LRRC37A2: variants seen among roughly 807,000 people sequenced by gnomAD.
LRRC37A2 encodes leucine rich repeat containing 37 member A2.
In LRRC37A2, 9 loss-of-function variants were observed where a neutral mutation model predicts 68.8. That is an observed-to-expected ratio of 0.13 (90% CI 0.08 to 0.23). The LOEUF (loss-of-function observed/expected upper bound fraction) is 0.23, where lower values mean the gene tolerates loss of function less well. Among genes scored for constraint, LRRC37A2 ranks in the 10% least tolerant of loss-of-function variants. The pLI is 1.00. For synonymous variants in LRRC37A2, 63 were observed against 367.6 expected, an observed-to-expected ratio of 0.17 and a Z score of 9.48; for missense variants, 168 against 950.4, an observed-to-expected ratio of 0.18 and a Z score of 10.82.
At chr17:46,947,871 C>T in the LRRC37A2 span, among the ~76,000 whole-genome samples, 2 of 152,164 alleles carry the variant, frequency 1.3e-5, no homozygotes, top group Non-Finnish European at 2.9e-5. Flanking sequence ...CGGGTTCAAG[C>T]GACTCTCCTG....
chr17:46,894,710 C>T, the LRRC37A2 span, among the ~76,000 whole-genome samples: 1 of 152,210 alleles, frequency 6.6e-6, no homozygotes, highest in Admixed American at 6.5e-5. Flanking sequence ...GAATGACGAG[C>T]TCACTCCCCC....
At chr17:46,919,665 T>C in the LRRC37A2 span, among the ~76,000 whole-genome samples, 1 of 152,098 alleles carries the variant, frequency 6.6e-6, no homozygotes, top group Non-Finnish European at 1.5e-5. Context: ...TAAGATTTCC[T>C]GGCCAGGCGC....
the LRRC37A2 span, among the ~76,000 whole-genome samples, chr17:46,803,828 G>T: frequency 2.0e-5 from 3 of 152,208 alleles, no homozygotes; most frequent in Non-Finnish European, 2.9e-5. Context: ...TGCAGAGCCC[G>T]GAAGCAGGCT....
At chr17:46,839,918 TTCTTTCTTTCTTTC>T in the LRRC37A2 span, among the ~76,000 whole-genome samples, 1 of 76,100 alleles carries the variant, frequency 1.3e-5, no homozygotes. Flanking sequence ...TCTCTTTTCT[TTCTTTCTTTCTTTC>T]TTTCTTTCTT....
the LRRC37A2 span, among the ~76,000 whole-genome samples, chr17:46,754,500 T>A: frequency 2.0e-5 from 3 of 152,108 alleles, no homozygotes; most frequent in African/African-American, 7.2e-5. Flanking sequence ...TAGGTGTGTT[T>A]CTTACAATAA....
At chr17:46,575,139 T>C in the LRRC37A2 span, among the ~76,000 whole-genome samples, 2 of 105,774 alleles carry the variant, frequency 1.9e-5, no homozygotes, top group African/African-American at 6.3e-5. Flanking sequence ...GTCCTGTGCC[T>C]AATTCAATAT....
the LRRC37A2 span, among the ~76,000 whole-genome samples, chr17:46,972,144 TG>T: frequency 1.6e-3 from 243 of 152,302 alleles, 2 homozygotes; most frequent in African/African-American, 5.5e-3. Context: ...GGCACTGTGC[TG>T]GGCCCAGGCT....
the LRRC37A2 span, among the ~76,000 whole-genome samples, chr17:46,901,717 G>A: frequency 6.6e-6 from 1 of 152,148 alleles, no homozygotes; most frequent in South Asian, 2.1e-4. Flanking sequence ...TCATGCTTAA[G>A]GCAATTGAGT....
the LRRC37A2 span, among the ~76,000 whole-genome samples, chr17:46,987,286 C>T: frequency 6.6e-6 from 1 of 151,918 alleles, no homozygotes; most frequent in Non-Finnish European, 1.5e-5. Context: ...TGCAGGGGAA[C>T]AGGCATGGGG....
chr17:46,847,967 A>AGT, the LRRC37A2 span, among the ~76,000 whole-genome samples: 4,568 of 149,218 alleles, frequency 0.031, 85 homozygotes, highest in Non-Finnish European at 0.037. Context: ...TGATTTCCAA[A>AGT]GTGTGTGTGT....
the LRRC37A2 span, among the ~76,000 whole-genome samples, chr17:46,854,172 A>G: frequency 6.6e-6 from 1 of 152,172 alleles, no homozygotes; most frequent in Non-Finnish European, 1.5e-5. Flanking sequence ...GGTCTCAGGG[A>G]ACAGACAGGA....
the LRRC37A2 span, among the ~76,000 whole-genome samples, chr17:46,943,961 G>A: frequency 2.0e-5 from 3 of 152,088 alleles, no homozygotes; most frequent in Non-Finnish European, 4.4e-5. Context: ...ACTAATGCAG[G>A]GTATCTAGGA....
the LRRC37A2 span, among the ~76,000 whole-genome samples, chr17:46,916,214 C>T: frequency 2.0e-5 from 3 of 152,246 alleles, no homozygotes; most frequent in Non-Finnish European, 4.4e-5. Context: ...CCAGCTTTTA[C>T]AATCAATGTC....
the LRRC37A2 span, chr17:46,935,322 A>G: frequency 6.6e-7 from 1 of 1,512,548 alleles, no homozygotes; most frequent in East Asian, 2.3e-5. Flanking sequence ...TTTCTGTTGG[A>G]GTTGAGTTAT....
At chr17:46,908,734 T>G in the LRRC37A2 span, among the ~76,000 whole-genome samples, 3 of 152,250 alleles carry the variant, frequency 2.0e-5, no homozygotes, top group Admixed American at 2.0e-4. Context: ...GGAGACTCAG[T>G]GCCTCCCAGG....
At chr17:46,741,731 A>G in the LRRC37A2 span, among the ~76,000 whole-genome samples, 1 of 151,584 alleles carries the variant, frequency 6.6e-6, no homozygotes, top group African/African-American at 2.4e-5. Context: ...TGGGGAAACC[A>G]AGAGTTGTAG....
At chr17:46,739,639 C>T in the LRRC37A2 span, among the ~76,000 whole-genome samples, 9 of 150,498 alleles carry the variant, frequency 6.0e-5, no homozygotes, top group South Asian at 1.9e-3. Flanking sequence ...CCTTCCTCTA[C>T]TAAAAAAAAA....
At chr17:46,966,996 T>C in the LRRC37A2 span, 1 of 262,636 alleles carries the variant, frequency 3.8e-6, no homozygotes, top group Non-Finnish European at 7.1e-6. Context: ...CTTTGATTTC[T>C]GTGATGTGTG....
the LRRC37A2 span, among the ~76,000 whole-genome samples, chr17:46,742,331 T>A: frequency 2.9e-4 from 44 of 152,328 alleles, 1 homozygote; most frequent in African/African-American, 9.9e-4. Flanking sequence ...GACCAGAAAG[T>A]AATAATGAAG....
Sources: gnomAD v4.1 joint callset for allele counts (sites outside exome capture counted in the v4.1 genomes callset) on GRCh38, gnomAD v4.1.1 for gene constraint, MANE v1.5 for transcripts, NCBI Gene and HGNC (gene_info 2026-07-23, HGNC 2026-07-21) for gene names.